The following DOCK1 variants were observed in gnomAD, a reference collection of about 807,000 sequenced individuals.
DOCK1 encodes dedicator of cytokinesis 1, also known as dedicator of cytokinesis protein 1.
In DOCK1, 138 loss-of-function variants were observed where a neutral mutation model predicts 262.7. That is an observed-to-expected ratio of 0.53 (90% CI 0.46 to 0.61). DOCK1 has a LOEUF of 0.61. Among genes scored for constraint, DOCK1 ranks in the 20% least tolerant of loss-of-function variants. The pLI is 0.00. For missense variants in DOCK1, 1,908 were observed against 2,370.7 expected, an observed-to-expected ratio of 0.80 and a Z score of 4.05; for synonymous variants, 866 against 867.4, an observed-to-expected ratio of 1.00 and a Z score of 0.03.
intron 24 of DOCK1, among the ~76,000 whole-genome samples, chr10:127,107,409 T>C (rs1405143790): frequency 6.6e-6 from 1 of 152,132 alleles, no homozygotes; most frequent in Non-Finnish European, 1.5e-5. Context: ...CACGAATCAT[T>C]GTGAATCTGA....
At chr10:127,300,388 G>A (rs1031480518) in intron 29 of DOCK1, among the ~76,000 whole-genome samples, 5 of 152,140 alleles carry the variant, frequency 3.3e-5, no homozygotes, top group African/African-American at 7.2e-5. Context: ...AAGAGACTGG[G>A]CTTAGACAAT....
chr10:126,941,617 G>T (rs991276783), intron 1 of DOCK1, among the ~76,000 whole-genome samples: 1 of 152,070 alleles, frequency 6.6e-6, no homozygotes, highest in Non-Finnish European at 1.5e-5. Flanking sequence ...TTAGCCAGGC[G>T]TGGTGGCGGG....
Position 126,974,497 on chromosome 10 carries a change from A to G in DOCK1, c.131-3451A>G, listed in dbSNP as rs796650331. 3.2e-4 allele frequency among the ~76,000 whole-genome samples: 49 copies of G among 152,140 alleles called. 1 individual carries two copies. Among genetic ancestry groups the G allele is most frequent in the African/African-American group, 1.1e-3 (45 of 41,526 alleles). On this transcript the variant is annotated intron_variant, in intron 2 of 51. Coordinates refer to ENST00000623213, the MANE Select transcript of DOCK1 (RefSeq NM_001290223.2). ...GGGTGGATGTCTCTTTTTTTGGAGC[A>G]GGTTGGTTGACTACGTGGAGGCCAC...
intron 29 of DOCK1, among the ~76,000 whole-genome samples, chr10:127,328,606 C>T (rs2062843089): frequency 6.6e-6 from 1 of 151,742 alleles, no homozygotes. Context: ...ACGCCAGGGA[C>T]GGCAGGGATG....
chr10:127,377,698 C>A (rs150600492), intron 35 of DOCK1, among the ~76,000 whole-genome samples: 7,415 of 152,026 alleles, frequency 0.049, 226 homozygotes, highest in Non-Finnish European at 0.07. Flanking sequence ...TTGATACCAG[C>A]CTGGCCAACA....
At chr10:127,429,005 G>A (rs1415516691) in intron 47 of DOCK1, among the ~76,000 whole-genome samples, 12 of 146,838 alleles carry the variant, frequency 8.2e-5, no homozygotes, top group African/African-American at 2.8e-4. Flanking sequence ...GGATTGGGAT[G>A]CCGTGTGGAT....
At chr10:127,449,669 C>T (rs1319799817) in intron 51 of DOCK1, among the ~76,000 whole-genome samples, 1 of 152,162 alleles carries the variant, frequency 6.6e-6, no homozygotes. Flanking sequence ...GAAGCGGTTG[C>T]ATTTCCTGGG....
chr10:127,222,367 A>T (rs1253756264), intron 27 of DOCK1, among the ~76,000 whole-genome samples: 1 of 151,702 alleles, frequency 6.6e-6, no homozygotes, highest in Non-Finnish European at 1.5e-5. Flanking sequence ...ACTGTGGCTT[A>T]CTCTCTCTCT....
chr10:127,411,121 A>G (rs557795638), intron 43 of DOCK1, among the ~76,000 whole-genome samples, 197 bp downstream of exon 43: 3 of 152,284 alleles, frequency 2.0e-5, no homozygotes, highest in African/African-American at 7.2e-5. Context: ...TAACAATATG[A>G]CTAAGGTCAC....
chr10:127,344,077 T>C (rs1197079247), intron 31 of DOCK1: 1 of 217,212 alleles, frequency 4.6e-6, no homozygotes, highest in Non-Finnish European at 9.0e-6. Context: ...AATTCTTCAA[T>C]TCGAAAGGAG....
chr10:127,343,815 A>G (rs2135760742), intron 31 of DOCK1, 69 bp downstream of exon 31: 5 of 1,266,832 alleles, frequency 3.9e-6, no homozygotes, highest in Non-Finnish European at 5.5e-6. Flanking sequence ...TTTTCATGTC[A>G]TTTCTAAGCC....
intron 24 of DOCK1, among the ~76,000 whole-genome samples, chr10:127,109,151 G>A (rs2048718541): frequency 6.6e-6 from 1 of 152,108 alleles, no homozygotes; most frequent in South Asian, 2.1e-4. Flanking sequence ...TTATCTACTC[G>A]TCCCCCTCCA....
intron 21 of DOCK1, among the ~76,000 whole-genome samples, chr10:127,045,675 G>A (rs774315817): frequency 5.3e-5 from 8 of 152,178 alleles, no homozygotes; most frequent in African/African-American, 1.7e-4. Context: ...CTGTGTCTGC[G>A]GCTCCCCTGC....
At chr10:126,948,827 A>G (rs2035880198) in intron 1 of DOCK1, among the ~76,000 whole-genome samples, 1 of 152,002 alleles carries the variant, frequency 6.6e-6, no homozygotes, top group African/African-American at 2.4e-5. Flanking sequence ...CTCAAAGGGA[A>G]CCTTGCCCCC....
In DOCK1 at chr10:127,404,370, C is replaced by G. The variant is rs771529880; in HGVS notation, c.4063C>G (p.Pro1355Ala). 1 of 1,613,838 alleles carries G rather than the reference C, an allele frequency of 6.2e-7. No homozygotes were observed. Among genetic ancestry groups the G allele is most frequent in the Non-Finnish European group, 8.5e-7 (1 of 1,179,884 alleles). Residue 1355 changes from proline (P) to alanine (A), a missense_variant, in exon 40 of 52, where the codon CCC becomes GCC. Pro to Ala is a conservative substitution (Grantham distance 27). Coordinates refer to ENST00000623213, the MANE Select transcript of DOCK1 (RefSeq NM_001290223.2). ...FYENIVKVIRPKPDYFAVGYY... is the reference protein window; with the variant it reads ...FYENIVKVIRAKPDYFAVGYY... ...TGAAAACATCGTCAAAGTGATCAGGCCCAAGCCTGACTATTTTGCTGTTGG... is the reference window on the plus strand; with the variant it reads ...TGAAAACATCGTCAAAGTGATCAGGGCCAAGCCTGACTATTTTGCTGTTGG...
chr10:127,022,317 C>T (rs2042491028), intron 13 of DOCK1, among the ~76,000 whole-genome samples: 1 of 151,940 alleles, frequency 6.6e-6, no homozygotes, highest in Middle Eastern at 3.2e-3. Flanking sequence ...GATCCTCATT[C>T]TTTTTTTCTT....
chr10:127,221,527 G>A (rs192947556), intron 27 of DOCK1, among the ~76,000 whole-genome samples: 6 of 152,310 alleles, frequency 3.9e-5, no homozygotes, highest in Admixed American at 3.9e-4. Flanking sequence ...GGAGCTCTGG[G>A]CATCCATGTG....
intron 21 of DOCK1, among the ~76,000 whole-genome samples, chr10:127,045,247 G>A (rs141515431): frequency 1.1e-3 from 160 of 147,312 alleles, no homozygotes; most frequent in African/African-American, 3.7e-3. Context: ...TTCAATCTAT[G>A]GAATCTGCTG....
In DOCK1 at chr10:126,996,767, G is replaced by A; in HGVS notation, c.493G>A (p.Val165Met). ...TTCTAGAATTCTAGATTTGGACCTG[G>A]TGGTTAGAGATGAAGATGGGAATAT... ...YGNRILDLDL[V>M]VRDEDGNILD... Residue 165 changes from valine (V) to methionine (M), a missense_variant, in exon 7 of 52, where the codon GTG (valine) becomes ATG (methionine). This residue lies in a region of DOCK1 where 227 missense variants were observed against 254.1 expected (regional missense o/e 0.89). Transcript: ENST00000623213. 6.2e-7 allele frequency: 1 copy of A among 1,611,616 alleles called. No homozygotes were observed. The highest frequency in any genetic ancestry group is 8.5e-7 in the Non-Finnish European group (1 of 1,179,124).
Sources: allele counts gnomAD v4.1 joint callset (sites outside exome capture counted in the v4.1 genomes callset), GRCh38; gene constraint gnomAD v4.1.1; regional missense constraint gnomAD v4.1.1; transcripts MANE v1.5; gene names NCBI Gene and HGNC (gene_info 2026-07-23, HGNC 2026-07-21).